The following OMA1 variants were observed in gnomAD, a reference collection of about 807,000 sequenced individuals.
The protein encoded by OMA1 is OMA1 zinc metallopeptidase, also known as metalloendopeptidase OMA1, mitochondrial.
In OMA1, 38 loss-of-function variants were observed where a neutral mutation model predicts 30.9. The observed-to-expected ratio is 1.23, with a 90% CI of 0.95 to 1.61. OMA1 has a LOEUF of 1.61. Among genes scored for constraint, OMA1 ranks in the 40% most tolerant of loss-of-function variants. The pLI is 0.00. For missense variants in OMA1, 461 were observed against 349.2 expected (o/e 1.32, Z -2.55); for synonymous variants, 173 against 121.9 (o/e 1.42, Z -2.76).
chr1:58,542,712 T>C (rs1646641007), intron 1 of OMA1, among the ~76,000 whole-genome samples: 2 of 152,214 alleles, frequency 1.3e-5, no homozygotes, highest in Admixed American at 1.3e-4. Flanking sequence ...TGATTTACTG[T>C]AGTAGATAAG....
chr1:58,509,758 G>GA (rs993947005), intron 7 of OMA1, among the ~76,000 whole-genome samples: 3 of 149,956 alleles, frequency 2.0e-5, no homozygotes, highest in East Asian at 1.9e-4. Context: ...GTTAGAGTAA[G>GA]AAAAAAAAAG....
intron 7 of OMA1, among the ~76,000 whole-genome samples, chr1:58,519,698 G>A (rs192343638): frequency 8.9e-4 from 136 of 152,008 alleles, no homozygotes; most frequent in Middle Eastern, 6.8e-3. Context: ...CAACAGAAAC[G>A]GACCCAGCTA....
At chr1:58,486,793 T>C (rs1448762679) in intron 8 of OMA1, among the ~76,000 whole-genome samples, 3 of 152,098 alleles carry the variant, frequency 2.0e-5, no homozygotes, top group Non-Finnish European at 4.4e-5. Flanking sequence ...GAGGGAAGAA[T>C]GTTTCAGACA....
rs1491409840 is a variant in OMA1 at position 58,528,342 on chromosome 1, G to GT, written c.1141-1008dup. On this transcript the variant is annotated intron_variant, in intron 6 of 8. Coordinates refer to ENST00000371226, the MANE Select transcript of OMA1 (RefSeq NM_145243.5). Reference sequence around the variant, plus strand: ...TTGTTTAACCCTGCTAAACCCAGTAGTATCATATGTAAAATGAAGCTAGTA... The same window carrying GT: ...TTGTTTAACCCTGCTAAACCCAGTAGTTATCATATGTAAAATGAAGCTAGTA... Among the ~76,000 whole-genome samples the GT allele has an allele frequency of 1.3e-4, 20 of 152,154 alleles. 1 individual carries two copies. Among genetic ancestry groups the GT allele is most frequent in the East Asian group, 1.9e-4 (1 of 5,188 alleles).
At chr1:58,526,903 A>G (rs1462247959) in intron 7 of OMA1, among the ~76,000 whole-genome samples, 1 of 152,162 alleles carries the variant, frequency 6.6e-6, no homozygotes, top group East Asian at 1.9e-4. Flanking sequence ...ACATAACCAA[A>G]TGTTTTAAAA....
chr1:58,490,794 TC>T (rs1557438620), intron 8 of OMA1, among the ~76,000 whole-genome samples: 18 of 117,268 alleles, frequency 1.5e-4, no homozygotes, highest in African/African-American at 5.2e-4. Flanking sequence ...TAGTCAACAT[TC>T]TTTTTTTTTT....
intron 7 of OMA1, among the ~76,000 whole-genome samples, chr1:58,521,140 A>G (rs1646256109): frequency 6.6e-6 from 1 of 152,238 alleles, no homozygotes; most frequent in Non-Finnish European, 1.5e-5. Flanking sequence ...AACAAAAGGT[A>G]ACTTTAAAAT....
At chr1:58,487,854 A>G (rs895424405) in intron 8 of OMA1, among the ~76,000 whole-genome samples, 1 of 152,082 alleles carries the variant, frequency 6.6e-6, no homozygotes, top group Non-Finnish European at 1.5e-5. Flanking sequence ...ACATTATCTA[A>G]CTAAAAATAA....
At chr1:58,512,524 T>A (rs530548303) in intron 7 of OMA1, among the ~76,000 whole-genome samples, 1 of 152,250 alleles carries the variant, frequency 6.6e-6, no homozygotes, top group South Asian at 2.1e-4. Flanking sequence ...ATGAACAGAT[T>A]AAGAAAATGT....
chr1:58,511,892 C>T (rs572270951), intron 7 of OMA1, among the ~76,000 whole-genome samples: 100 of 151,676 alleles, frequency 6.6e-4, no homozygotes, highest in Non-Finnish European at 1.1e-3. Context: ...ACCAAAAGCA[C>T]GGGAAACAAA....
At chr1:58,508,491 T>C (rs11581844) in intron 7 of OMA1, among the ~76,000 whole-genome samples, 65,127 of 151,934 alleles carry the variant, frequency 0.43, 16,182 homozygotes, top group East Asian at 0.66. Flanking sequence ...TCAAACCTGG[T>C]AGAAGACTGG....
At chr1:58,528,567 G>A (rs1302438917) in intron 6 of OMA1, among the ~76,000 whole-genome samples, 2 of 152,178 alleles carry the variant, frequency 1.3e-5, no homozygotes, top group African/African-American at 4.8e-5. Context: ...AGGAGGGAGA[G>A]CTACTGACAT....
At chr1:58,491,360 C>T (rs1344556546) in intron 8 of OMA1, among the ~76,000 whole-genome samples, 4 of 152,086 alleles carry the variant, frequency 2.6e-5, no homozygotes, top group Non-Finnish European at 4.4e-5. Flanking sequence ...CATCAACTCA[C>T]GAGCAAAATA....
At chr1:58,493,705 T>A (rs1645742589) in intron 8 of OMA1, among the ~76,000 whole-genome samples, 1 of 151,730 alleles carries the variant, frequency 6.6e-6, no homozygotes, top group Admixed American at 6.6e-5. Flanking sequence ...GAATCCAACT[T>A]ACAAGGGATG....
rs201825952 is a variant in OMA1 at position 58,527,363 on chromosome 1, T to C, written c.1141-28A>G. On this transcript the variant is annotated intron_variant, in intron 6 of 8. Transcript: ENST00000371226. ...AAGAAGAAATGACAGAAAAGCTCCA[T>C]TAAGACAATTTATTTCACGAAAAAA... 1.2e-4 allele frequency: 103 copies of C among 863,836 alleles called. No homozygotes were observed. In the African/African-American group the frequency reaches 1.6e-3, roughly 13 times the overall value. 53.5% of individuals were successfully genotyped at this position (863,836 alleles called of 1,614,324 possible). A position where few individuals can be genotyped will look rare whatever the true frequency, so the allele number is the denominator to read the frequency against.
At chr1:58,530,058 T>C (rs1646411043) in intron 6 of OMA1, among the ~76,000 whole-genome samples, 2 of 152,154 alleles carry the variant, frequency 1.3e-5, no homozygotes. Context: ...TTTTTTTGTA[T>C]TTTTAGTAGA....
intron 5 of OMA1, among the ~76,000 whole-genome samples, chr1:58,532,927 A>G (rs923049984): frequency 1.3e-5 from 2 of 152,232 alleles, no homozygotes; most frequent in African/African-American, 4.8e-5. Context: ...CATCTTATTA[A>G]TAGTCTAAGG....
intron 8 of OMA1, among the ~76,000 whole-genome samples, chr1:58,481,744 T>G (rs534177294): frequency 1.3e-5 from 2 of 152,316 alleles, no homozygotes; most frequent in East Asian, 3.9e-4. Context: ...TTTCCCGTGC[T>G]GTTCTCATGA....
At chr1:58,490,957 T>G (rs908387141) in intron 8 of OMA1, among the ~76,000 whole-genome samples, 3 of 151,512 alleles carry the variant, frequency 2.0e-5, no homozygotes, top group Non-Finnish European at 4.4e-5. Context: ...AGGCACCCGC[T>G]ACCAAGCCCG....
Sources: allele counts gnomAD v4.1 joint callset (sites outside exome capture counted in the v4.1 genomes callset), GRCh38; gene constraint gnomAD v4.1.1; transcripts MANE v1.5; gene names NCBI Gene and HGNC (gene_info 2026-07-23, HGNC 2026-07-21).